Variants in PACS2 observed in about 807,000 individuals in gnomAD.
PACS2 encodes phosphofurin acidic cluster sorting protein 2.
Under a neutral mutation model 113.0 loss-of-function variants are expected in PACS2, and 36 were observed. The ratio of observed to expected loss-of-function variants is 0.32; its 90% confidence interval spans 0.24 to 0.42. The LOEUF is 0.42. Among genes scored for constraint, PACS2 ranks in the 10% least tolerant of loss-of-function variants. The probability of loss-of-function intolerance (pLI) is 1.00; values close to 1 mark genes in which losing one functional copy is unlikely to be tolerated. For missense variants in PACS2, 1,015 were observed against 1,239.5 expected (o/e 0.82, Z 2.72); for synonymous variants, 589 against 536.1 (o/e 1.10, Z -1.36).
In PACS2 at chr14:105,380,152, C is replaced by A; in HGVS notation, c.1123C>A (p.Leu375Ile). 6.4e-7 allele frequency: 1 copy of A among 1,551,432 alleles called. No homozygotes were observed. The highest frequency in any genetic ancestry group is 1.2e-5 in the South Asian group (1 of 84,104). ...PSDSVSDTVA[L>I]GVPGPREHPG... The stretch of plus-strand genomic sequence containing the variant: ...CGACAGTGTCTCTGACACGGTGGCC[C>A]TCGTAAGCAGGCTTGGGCCGCACCC... Residue 375 changes from leucine to isoleucine, a missense_variant and splice_region_variant, in exon 11 of 25, where the codon CTC becomes ATC. By Grantham distance (5) the Leu-to-Ile change is conservative. Coordinates refer to ENST00000447393, the MANE Select transcript of PACS2 (RefSeq NM_001100913.3).
Position 105,384,458 on chromosome 14 carries a change from G to T in PACS2, c.1886G>T (p.Ser629Ile), listed in dbSNP as rs2081102647. 2.5e-6 allele frequency: 4 copies of T among 1,606,258 alleles called. No homozygotes were observed. The highest frequency in any genetic ancestry group is 1.7e-5 in the Admixed American group (1 of 59,954). The change falls in exon 17 of 25, where the codon AGT becomes ATT. Residue 629 changes from serine to isoleucine, a missense_variant. Physicochemically the swap from Ser to Ile is moderately radical, Grantham distance 142. Transcript: ENST00000447393. ...RDLFNKLEAQ[S>I]AVQDTPDIVS... Reference sequence around the variant, plus strand: ...CTGTTCAACAAGCTGGAGGCCCAGAGTGCGGGTGAGGCCCGGGCGCGTCCA... The same window carrying T: ...CTGTTCAACAAGCTGGAGGCCCAGATTGCGGGTGAGGCCCGGGCGCGTCCA...
In PACS2 at chr14:105,348,591, T is replaced by C. The variant is rs587771317; in HGVS notation, c.207+11T>C. On this transcript the variant is annotated intron_variant, in intron 2 of 24. Coordinates refer to ENST00000447393, the MANE Select transcript of PACS2 (RefSeq NM_001100913.3). This position sits in a 1 kb window ranked among gnomAD's most constrained non-coding sequence, Gnocchi z 6.4. The stretch of plus-strand genomic sequence containing the variant: ...GCTGTCAAGATGCAGGTGAGGCCGC[T>C]TGTGACCCCGGCTGTGGCTGGGTGC... The C allele has an allele frequency of 2.5e-6, 4 of 1,596,782 alleles. No individual in the cohort carries two copies. Among genetic ancestry groups the C allele is most frequent in the Admixed American group, 3.3e-5 (2 of 59,984 alleles).
intron 1 of PACS2, among the ~76,000 whole-genome samples, chr14:105,336,135 A>G (rs587687469): frequency 2.7e-3 from 408 of 152,318 alleles, no homozygotes; most frequent in Admixed American, 4.6e-3. Flanking sequence ...CCTGGAGACA[A>G]AAGCTCCTCA....
chr14:105,391,445 G>A, intron 21 of PACS2, 186 bp from the exon 22 acceptor site: 1 of 669,470 alleles, frequency 1.5e-6, no homozygotes, highest in East Asian at 2.7e-5. Context: ...ATCAAGGCTG[G>A]CAGGGTTGTC....
At chr14:105,312,942 CT>C (rs2058385521), upstream of PACS2, among the ~76,000 whole-genome samples, 1 of 152,224 alleles carries the variant, frequency 6.6e-6, no homozygotes. Flanking sequence ...ATCCCGACCC[CT>C]GGCAGCTGCA....
At chr14:105,392,587 C>G (rs1555415197) in intron 22 of PACS2, 32 bp from the exon 23 acceptor site, 1 of 1,541,976 alleles carries the variant, frequency 6.5e-7, no homozygotes, top group East Asian at 2.4e-5. Context: ...CCCAAAGATG[C>G]AGGTGTGAAT....
intron 18 of PACS2, 146 bp downstream of exon 18, chr14:105,385,133 C>T (rs2081131069): frequency 1.6e-6 from 1 of 634,380 alleles, no homozygotes; most frequent in Non-Finnish European, 2.9e-6. Flanking sequence ...AGCTGGGCAG[C>T]TCTGGGCCTC....
intron 4 of PACS2, among the ~76,000 whole-genome samples, chr14:105,361,672 G>T (rs782280482): frequency 2.0e-5 from 3 of 151,300 alleles, no homozygotes; most frequent in Admixed American, 6.6e-5. Context: ...TTAGTGGGCC[G>T]GGTGCAATGG....
chr14:105,352,587 G>GC, intron 3 of PACS2, 120 bp downstream of exon 3: 1 of 598,816 alleles, frequency 1.7e-6, no homozygotes, highest in Non-Finnish European at 3.0e-6. Flanking sequence ...GGGGTGATGG[G>GC]CCCCCCTCAT....
At chr14:105,338,494 C>G (rs2059609904) in intron 1 of PACS2, among the ~76,000 whole-genome samples, 1 of 152,162 alleles carries the variant, frequency 6.6e-6, no homozygotes. Flanking sequence ...ACCTATTGAC[C>G]CTGCCACAGC....
intron 7 of PACS2, 89 bp downstream of exon 7, chr14:105,368,628 G>A: frequency 2.0e-6 from 2 of 987,974 alleles, no homozygotes; most frequent in Non-Finnish European, 3.2e-6. Context: ...CACGGGCGTG[G>A]GAAGTGAGAT....
chr14:105,370,145 T>A, intron 8 of PACS2: 1 of 460,576 alleles, frequency 2.2e-6, no homozygotes, highest in Non-Finnish European at 3.9e-6. Context: ...AAAGTCATTT[T>A]CAGGGGGATG....
chr14:105,312,037 G>A (rs1355619737), upstream of PACS2, among the ~76,000 whole-genome samples: 1 of 152,238 alleles, frequency 6.6e-6, no homozygotes, highest in Non-Finnish European at 1.5e-5. Flanking sequence ...CAACTGACCA[G>A]TGCTGGCCCT....
intron 12 of PACS2, among the ~76,000 whole-genome samples, chr14:105,381,642 A>G (rs1555412054): frequency 6.6e-6 from 1 of 152,116 alleles, no homozygotes; most frequent in Non-Finnish European, 1.5e-5. Flanking sequence ...CGGTGGCTCC[A>G]AGCCTCCTGG....
In PACS2 at chr14:105,315,469, G is replaced by C. The variant is rs1216749560; in HGVS notation, c.119+432G>C. On this transcript the variant is annotated intron_variant, in intron 1 of 24. Coordinates refer to ENST00000447393, the MANE Select transcript of PACS2 (RefSeq NM_001100913.3). This position sits in a 1 kb window ranked among gnomAD's most constrained non-coding sequence, Gnocchi z 4.4. Reference sequence around the variant, plus strand: ...GGCCTGGGAGCGACCCCCGGCGCACGGGGCGCGCAGGACTCGGTTGTATCC... The same window carrying C: ...GGCCTGGGAGCGACCCCCGGCGCACCGGGCGCGCAGGACTCGGTTGTATCC... 1 of 152,236 alleles carries C rather than the reference G, an allele frequency of 6.6e-6. No homozygotes were observed. Among genetic ancestry groups the C allele is most frequent in the Non-Finnish European group, 1.5e-5 (1 of 68,060 alleles). 9.4% of individuals were successfully genotyped at this position (152,236 alleles called of 1,614,324 possible).
chr14:105,359,716 C>T (rs1038090351), intron 4 of PACS2, among the ~76,000 whole-genome samples: 10 of 151,910 alleles, frequency 6.6e-5, no homozygotes, highest in South Asian at 2.1e-4. Flanking sequence ...CTCAGCCTCC[C>T]GAGTAGCTGG....
At chr14:105,369,032 G>A (rs939639977) in intron 7 of PACS2, among the ~76,000 whole-genome samples, 1 of 152,250 alleles carries the variant, frequency 6.6e-6, no homozygotes, top group African/African-American at 2.4e-5. Flanking sequence ...AGGGTCCACC[G>A]CCTGGCGCCT....
Position 105,317,656 on chromosome 14 carries a change from C to T in PACS2, c.119+2619C>T, listed in dbSNP as rs1346591087. On this transcript the variant is annotated intron_variant, in intron 1 of 24. Transcript: ENST00000447393. The surrounding 1 kb of genome is among the most constrained non-coding windows in gnomAD (Gnocchi z 4.2). ...TTTTCTGCTTGAGTTTCAGCAGTTTCTTTAGAGATAGTCATCCTTTCTCGG... is the reference window on the plus strand; with the variant it reads ...TTTTCTGCTTGAGTTTCAGCAGTTTTTTTAGAGATAGTCATCCTTTCTCGG... 4.6e-5 allele frequency among the ~76,000 whole-genome samples: 7 copies of T among 151,880 alleles called. No homozygotes were observed. Among genetic ancestry groups the T allele is most frequent in the Non-Finnish European group, 8.8e-5 (6 of 67,984 alleles).
At position 105,391,490 on chromosome 14, in the gene PACS2, T is replaced by A. The variant is rs1043838088; in HGVS notation, c.2120-141T>A. The A allele has an allele frequency of 3.3e-5, 25 of 753,180 alleles. No homozygotes were observed. The African/African-American group carries it at 4.4e-4, about 13-fold the overall frequency. 46.7% of individuals were successfully genotyped at this position (753,180 alleles called of 1,614,324 possible). A position where few individuals can be genotyped will look rare whatever the true frequency, so the allele number is the denominator to read the frequency against. Reference sequence around the variant, plus strand: ...CCGAGGAGAATCCGAGACCCTCCCGTCTCTCACAGGCCACTGGGGACTCCC... The same window carrying A: ...CCGAGGAGAATCCGAGACCCTCCCGACTCTCACAGGCCACTGGGGACTCCC... On this transcript the variant is annotated intron_variant, in intron 21 of 24. Transcript: ENST00000447393.
Sources: gnomAD v4.1 joint callset for allele counts (sites outside exome capture counted in the v4.1 genomes callset) on GRCh38, gnomAD v4.1.1 for gene constraint, Gnocchi (gnomAD v3.1) non-coding constraint, MANE v1.5 for transcripts, NCBI Gene and HGNC (gene_info 2026-07-23, HGNC 2026-07-21) for gene names.